The following RAPGEF2 variants were observed in gnomAD, a reference collection of about 807,000 sequenced individuals.
RAPGEF2 encodes the protein PDZ domain containing guanine nucleotide exchange factor (GEF) 1.
A neutral mutation model predicts 186.7 loss-of-function variants in RAPGEF2; 54 were observed. The ratio of observed to expected loss-of-function variants is 0.29; its 90% confidence interval spans 0.23 to 0.36. The LOEUF is 0.36. RAPGEF2 is among the 10% of genes least tolerant of loss of function. The pLI is 1.00. For missense variants in RAPGEF2, 1,532 were observed against 2,045.0 expected (o/e 0.75, Z 4.84); for synonymous variants, 712 against 705.9 (o/e 1.01, Z -0.14).
intron 1 of RAPGEF2, among the ~76,000 whole-genome samples, chr4:159,158,030 G>A (rs923428267): frequency 5.9e-5 from 9 of 152,048 alleles, no homozygotes; most frequent in Admixed American, 5.9e-4. Context: ...TCTAATTTTG[G>A]TTGTTTAAAA....
chr4:159,341,674 T>G lies in RAPGEF2; in HGVS notation c.2645T>G (p.Val882Gly), dbSNP rs1256981713. The G allele has an allele frequency of 6.2e-7, 1 of 1,614,072 alleles. No individual in the cohort carries two copies. Among genetic ancestry groups the G allele is most frequent in the Admixed American group, 1.7e-5 (1 of 60,022 alleles). Residue 882 changes from valine to glycine, a missense_variant, in exon 20 of 30, where the codon GTT becomes GGT. Physicochemically the swap from Val to Gly is moderately radical, Grantham distance 109 (BLOSUM62 -3). Transcript: ENST00000691494. ...ISLLQLSTVE[V>G]ATQLSMRNFE... The stretch of plus-strand genomic sequence containing the variant: ...CTCCTTCAGCTCAGCACTGTGGAAG[T>G]TGCAACACAGCTCTCTATGCGAAAT...
intron 1 of RAPGEF2, among the ~76,000 whole-genome samples, chr4:159,134,186 A>G (rs1300856857): frequency 6.6e-6 from 1 of 152,050 alleles, no homozygotes; most frequent in Non-Finnish European, 1.5e-5. Context: ...TTCTATCCTT[A>G]TAGTTTTGCC....
At chr4:159,220,350 T>A (rs1751414858) in intron 4 of RAPGEF2, among the ~76,000 whole-genome samples, 1 of 149,968 alleles carries the variant, frequency 6.7e-6, no homozygotes, top group African/African-American at 2.5e-5. Flanking sequence ...CAGAAGTGGA[T>A]GAAATTCCCA....
At chr4:159,242,072 C>CT (rs2111479448) in intron 6 of RAPGEF2, among the ~76,000 whole-genome samples, 1 of 152,006 alleles carries the variant, frequency 6.6e-6, no homozygotes, top group African/African-American at 2.4e-5. Flanking sequence ...AAATAAACTG[C>CT]TTTTTATGTT....
intron 17 of RAPGEF2, among the ~76,000 whole-genome samples, chr4:159,335,101 A>G (rs988423012): frequency 1.3e-5 from 2 of 152,148 alleles, no homozygotes; most frequent in African/African-American, 2.4e-5. Context: ...AGAGAAGTCT[A>G]GATAGAGTAT....
chr4:159,188,663 C>CAA (rs58081505), intron 2 of RAPGEF2, among the ~76,000 whole-genome samples: 158 of 84,730 alleles, frequency 1.9e-3, no homozygotes, highest in Non-Finnish European at 2.4e-3. Context: ...GACTACATCT[C>CAA]AAAAAAAAAA....
intron 2 of RAPGEF2, among the ~76,000 whole-genome samples, chr4:159,187,456 G>T (rs1747676057): frequency 6.6e-6 from 1 of 152,122 alleles, no homozygotes; most frequent in African/African-American, 2.4e-5. Flanking sequence ...TTAGCATTCA[G>T]ATATATTAGA....
chr4:159,108,587 G>A (rs187314110), intron 1 of RAPGEF2, among the ~76,000 whole-genome samples: 3 of 151,968 alleles, frequency 2.0e-5, no homozygotes, highest in East Asian at 1.9e-4. Context: ...AAAATTCACT[G>A]CATTTTTTCA....
intron 7 of RAPGEF2, among the ~76,000 whole-genome samples, chr4:159,280,642 TGTC>T (rs1561202190): frequency 6.6e-6 from 1 of 152,180 alleles, no homozygotes; most frequent in East Asian, 1.9e-4. Flanking sequence ...AAAAAGATAT[TGTC>T]GTCAAGTTTG....
chr4:159,214,976 C>T (rs1318606295), intron 4 of RAPGEF2, among the ~76,000 whole-genome samples: 1 of 152,168 alleles, frequency 6.6e-6, no homozygotes, highest in African/African-American at 2.4e-5. Flanking sequence ...AATTATTGTG[C>T]CTCGGCCTCC....
chr4:159,317,397 G>C (rs573720855), intron 9 of RAPGEF2, among the ~76,000 whole-genome samples: 1 of 152,292 alleles, frequency 6.6e-6, no homozygotes, highest in East Asian at 1.9e-4. Flanking sequence ...CAGTCTATTA[G>C]GGGAGACGCG....
chr4:159,277,879 T>C (rs1053644421), intron 7 of RAPGEF2, among the ~76,000 whole-genome samples: 36 of 152,340 alleles, frequency 2.4e-4, no homozygotes, highest in African/African-American at 7.7e-4. Flanking sequence ...GTAGGTTGCC[T>C]GTTCACTCTG....
chr4:159,229,644 G>A (rs982589236), intron 4 of RAPGEF2: 3 of 151,976 alleles, frequency 2.0e-5, no homozygotes, highest in African/African-American at 7.3e-5. Context: ...CATATTTTTG[G>A]TATTACAGAG....
At chr4:159,131,531 T>TTTG in intron 1 of RAPGEF2, among the ~76,000 whole-genome samples, 1 of 149,088 alleles carries the variant, frequency 6.7e-6, no homozygotes, top group Admixed American at 6.7e-5. Context: ...TTTTTTTTTT[T>TTTG]TTTTTTTTTT....
chr4:159,191,260 C>CT (rs1327466513), intron 2 of RAPGEF2, among the ~76,000 whole-genome samples: 1 of 151,914 alleles, frequency 6.6e-6, no homozygotes, highest in Non-Finnish European at 1.5e-5. Context: ...GGACAGGTTG[C>CT]TGAAAGGAAA....
At chr4:159,275,718 A>G (rs1435914040) in intron 7 of RAPGEF2, among the ~76,000 whole-genome samples, 1 of 152,112 alleles carries the variant, frequency 6.6e-6, no homozygotes, top group East Asian at 1.9e-4. Flanking sequence ...TCATCTTATT[A>G]TAGGGTATTT....
At chr4:159,182,003 T>G (rs1285749600) in intron 1 of RAPGEF2, among the ~76,000 whole-genome samples, 2 of 152,234 alleles carry the variant, frequency 1.3e-5, no homozygotes, top group East Asian at 3.8e-4. Context: ...AACATTATGA[T>G]TGGAGCCTGA....
chr4:159,317,936 T>A (rs1220705917), intron 9 of RAPGEF2, among the ~76,000 whole-genome samples: 2 of 152,154 alleles, frequency 1.3e-5, no homozygotes, highest in Admixed American at 6.5e-5. Context: ...ATTATTAAAA[T>A]ACATGTCTGT....
intron 7 of RAPGEF2, among the ~76,000 whole-genome samples, chr4:159,255,201 A>T (rs1756004859): frequency 6.6e-6 from 1 of 152,182 alleles, no homozygotes; most frequent in Non-Finnish European, 1.5e-5. Flanking sequence ...GTTTGTACAA[A>T]GACAAAGTTG....
Sources: gnomAD v4.1 joint callset for allele counts (sites outside exome capture counted in the v4.1 genomes callset) on GRCh38, gnomAD v4.1.1 for gene constraint, MANE v1.5 for transcripts, NCBI Gene and HGNC (gene_info 2026-07-23, HGNC 2026-07-21) for gene names.